ATP11B: variants seen among roughly 807,000 people sequenced by gnomAD.
The protein encoded by ATP11B is phospholipid-transporting ATPase IF.
A neutral mutation model predicts 157.8 loss-of-function variants in ATP11B; 81 were observed. That is an observed-to-expected ratio of 0.51 (90% CI 0.43 to 0.62). The LOEUF is 0.62. ATP11B is among the 20% of genes least tolerant of loss of function. The pLI, the probability that ATP11B is intolerant of heterozygous loss-of-function variation, is 0.00. For missense variants in ATP11B, 1,165 were observed against 1,402.2 expected, an observed-to-expected ratio of 0.83 and a Z score of 2.70; for synonymous variants, 451 against 469.4, an observed-to-expected ratio of 0.96 and a Z score of 0.51.
chr3:182,881,553 G>C (rs925450681), intron 21 of ATP11B, among the ~76,000 whole-genome samples: 6 of 149,218 alleles, frequency 4.0e-5, no homozygotes, highest in African/African-American at 1.5e-4. Context: ...AAAAAAAAAA[G>C]AAACTTCCTA....
chr3:182,820,608 G>A (rs1479465337), intron 2 of ATP11B, among the ~76,000 whole-genome samples: 1 of 152,146 alleles, frequency 6.6e-6, no homozygotes, highest in African/African-American at 2.4e-5. Flanking sequence ...AGTCGAGGGT[G>A]CAGTGAGCTG....
chr3:182,874,565 A>C (rs1004260612), intron 19 of ATP11B, among the ~76,000 whole-genome samples: 7 of 152,204 alleles, frequency 4.6e-5, no homozygotes, highest in African/African-American at 1.7e-4. Flanking sequence ...ATGGCAAAGC[A>C]TTGTTTATTA....
chr3:182,917,988 T>C (rs1725246367), intron 29 of ATP11B, 35 bp from the exon 30 acceptor site: 1 of 1,610,362 alleles, frequency 6.2e-7, no homozygotes, highest in African/African-American at 1.3e-5. Context: ...ACATAGGTCC[T>C]GGTGAGCCAA....
chr3:182,860,901 TC>T (rs1268656554), intron 12 of ATP11B, among the ~76,000 whole-genome samples: 4 of 152,118 alleles, frequency 2.6e-5, no homozygotes, highest in African/African-American at 9.7e-5. Context: ...CTTCTTCTGC[TC>T]CCTCTATTAT....
intron 20 of ATP11B, among the ~76,000 whole-genome samples, chr3:182,880,089 C>T (rs988673357): frequency 6.6e-6 from 1 of 152,080 alleles, no homozygotes; most frequent in African/African-American, 2.4e-5. Flanking sequence ...AGTTGAAAAG[C>T]CAATTAACTT....
Position 182,919,551 on chromosome 3 carries a change from G to C in ATP11B, c.*1447G>C, listed in dbSNP as rs371882918. ...TATTACCCAGCTCTAAGCAAATAAT[G>C]ATTGTATACATATTAAGATAATGGT... On this transcript the variant is annotated 3_prime_UTR_variant, in exon 30 of 30. Transcript: ENST00000323116. The C allele has an allele frequency of 2.0e-5, 3 of 152,390 alleles. No homozygotes were observed. The East Asian group carries it at 5.8e-4, about 29-fold the overall frequency. The allele number at this position is 152,390 out of a possible 1,614,324, so 9.4% of individuals were successfully genotyped here.
rs149206980 is a variant in ATP11B, at chr3:182,898,639, T to C, written c.3185T>C (p.Val1062Ala). 18 of 1,606,954 alleles carry C rather than the reference T, an allele frequency of 1.1e-5. No individual in the cohort carries two copies. The highest frequency in any genetic ancestry group is 1.4e-5 in the Non-Finnish European group (17 of 1,176,868). Reference protein sequence around the residue: ...PFLGSQNMYFVFIQLLSSGSA... With the variant: ...PFLGSQNMYFAFIQLLSSGSA... Reference sequence around the variant, plus strand: ...TTGGGCTCCCAGAATATGTATTTTGTGTTTATTCAGCTCCTGTCAAGTGGT... The same window carrying C: ...TTGGGCTCCCAGAATATGTATTTTGCGTTTATTCAGCTCCTGTCAAGTGGT... The change falls in exon 28 of 30, where the codon GTG becomes GCG. Residue 1062 changes from valine to alanine, a missense_variant. Physicochemically the swap from Val to Ala is moderately conservative, Grantham distance 64. Transcript: ENST00000323116.
chr3:182,917,788 A>G (rs2108601013), intron 29 of ATP11B: 1 of 985,014 alleles, frequency 1.0e-6, no homozygotes, highest in African/African-American at 1.7e-5. Context: ...ATGCTAATGA[A>G]TGTTTGAATT....
At chr3:182,835,619 G>C (rs768934871) in intron 4 of ATP11B, among the ~76,000 whole-genome samples, 1 of 152,048 alleles carries the variant, frequency 6.6e-6, no homozygotes, top group Non-Finnish European at 1.5e-5. Flanking sequence ...TATTAATAAA[G>C]CAATTAGGTA....
intron 19 of ATP11B, among the ~76,000 whole-genome samples, chr3:182,877,537 G>T (rs185478904): frequency 3.3e-4 from 50 of 152,330 alleles, no homozygotes; most frequent in Non-Finnish European, 6.5e-4. Flanking sequence ...AGCGTCTTGG[G>T]AGGCTGAGGT....
At chr3:182,823,158 C>G (rs1717479290) in intron 2 of ATP11B, among the ~76,000 whole-genome samples, 1 of 152,134 alleles carries the variant, frequency 6.6e-6, no homozygotes, top group African/African-American at 2.4e-5. Flanking sequence ...GTTGCCATTG[C>G]TTTTGGTGTT....
intron 1 of ATP11B, among the ~76,000 whole-genome samples, chr3:182,810,722 A>G (rs1716612626): frequency 6.6e-6 from 1 of 152,184 alleles, no homozygotes; most frequent in African/African-American, 2.4e-5. Context: ...GTAGTTGGAA[A>G]TATTTGTTGT....
chr3:182,887,591 G>A lies in ATP11B; in HGVS notation c.2721G>A (p.Leu907=), dbSNP rs753752222. 1 of 1,609,026 alleles carries A rather than the reference G, an allele frequency of 6.2e-7. No individual in the cohort carries two copies. The highest frequency in any genetic ancestry group is 1.7e-5 in the Admixed American group (1 of 58,946). The part of the protein sequence containing the change: ...QFYCLFSQQT[L]YDSVYLTLYN... ...CTACCAATTTCTCTTTCTAGACATT[G>A]TATGACAGCGTGTACCTGACTTTAT... The change falls in exon 24 of 30, where the codon TTG becomes TTA. Residue 907 remains leucine (L), a synonymous_variant. Transcript: ENST00000323116.
rs1717077653 is a variant in ATP11B at position 182,818,111 on chromosome 3, A to G, written c.28-2149A>G. On this transcript the variant is annotated intron_variant, in intron 1 of 29. Transcript: ENST00000323116. ...CTGAAAGCAGAGTGATGCTGGAGAG[A>G]AAGATGGCAGAAAGCATATTAAGAG... 2.0e-5 allele frequency among the ~76,000 whole-genome samples: 3 copies of G among 152,200 alleles called. No individual in the cohort carries two copies. In the South Asian group the frequency reaches 6.2e-4, roughly 31 times the overall value.
intron 28 of ATP11B, among the ~76,000 whole-genome samples, chr3:182,911,356 C>T (rs1220106149): frequency 1.3e-5 from 2 of 148,316 alleles, no homozygotes; most frequent in African/African-American, 5.0e-5. Context: ...GTACCACTAA[C>T]AGCAGCTGGG....
At chr3:182,844,496 G>A in intron 8 of ATP11B, 1 of 895,830 alleles carries the variant, frequency 1.1e-6, no homozygotes, top group Non-Finnish European at 1.3e-6. Flanking sequence ...TCACTAAGAA[G>A]ATCAATTTCC....
chr3:182,882,319 A>G (rs1374970639), intron 21 of ATP11B, among the ~76,000 whole-genome samples: 1 of 152,170 alleles, frequency 6.6e-6, no homozygotes, highest in Non-Finnish European at 1.5e-5. Context: ...CCTATACCAT[A>G]CATTTAAGGC....
intron 1 of ATP11B, among the ~76,000 whole-genome samples, chr3:182,795,435 C>T (rs1427032419): frequency 6.6e-6 from 1 of 152,130 alleles, no homozygotes; most frequent in East Asian, 1.9e-4. Context: ...GGTTGTATAA[C>T]CATGCTCATC....
At chr3:182,865,875 TTTAAC>T (rs1721194059) in intron 13 of ATP11B, among the ~76,000 whole-genome samples, 177 bp downstream of exon 13, 1 of 152,220 alleles carries the variant, frequency 6.6e-6, no homozygotes, top group South Asian at 2.1e-4. Flanking sequence ...TACAGCCCAG[TTTAAC>T]TTGTTATTTA....
Sources: allele counts gnomAD v4.1 joint callset (sites outside exome capture counted in the v4.1 genomes callset), GRCh38; gene constraint gnomAD v4.1.1; transcripts MANE v1.5; gene names NCBI Gene and HGNC (gene_info 2026-07-23, HGNC 2026-07-21).